The following HPSE2 variants were observed in gnomAD, a reference collection of about 807,000 sequenced individuals.
HPSE2 encodes the protein inactive heparanase-2.
Under a neutral mutation model 60.5 loss-of-function variants are expected in HPSE2, and 38 were observed. The ratio of observed to expected loss-of-function variants is 0.63; its 90% CI spans 0.48 to 0.82. The LOEUF is 0.82. Among genes scored for constraint, HPSE2 ranks in the 40% least tolerant of loss-of-function variants. HPSE2 has a pLI of 0.00. For synonymous variants in HPSE2, 295 were observed against 293.2 expected (o/e 1.01, Z -0.06); for missense variants, 713 against 740.4 (o/e 0.96, Z 0.43).
chr10:98,847,266 T>G (rs1185013788), intron 3 of HPSE2, among the ~76,000 whole-genome samples: 1 of 152,226 alleles, frequency 6.6e-6, no homozygotes, highest in Non-Finnish European at 1.5e-5. Context: ...GGTAACTCAT[T>G]TAATTCTAAT....
intron 3 of HPSE2, among the ~76,000 whole-genome samples, chr10:98,754,137 G>C (rs923547941): frequency 1.3e-5 from 2 of 152,108 alleles, no homozygotes; most frequent in Non-Finnish European, 2.9e-5. Flanking sequence ...GCTGAAAGAT[G>C]AAACAGTCAT....
rs181811002 is a variant in HPSE2 at position 98,691,360 on chromosome 10, A to G, written c.1004+2540T>C. ...TGATATTTATCTGGAGATATGGCCAATATTTTTTAAGTAGTCAATAAACAA... is the reference window on the plus strand; with the variant it reads ...TGATATTTATCTGGAGATATGGCCAGTATTTTTTAAGTAGTCAATAAACAA... On this transcript the variant is annotated intron_variant, in intron 6 of 11. Transcript: ENST00000370552. 2.8e-4 allele frequency among the ~76,000 whole-genome samples: 42 copies of G among 152,342 alleles called. No individual in the cohort carries two copies. The East Asian group carries it at 7.1e-3, about 26-fold the overall frequency.
rs531659651 is a variant in HPSE2, at chr10:98,694,312, G to A, written c.957-365C>T. Among the ~76,000 whole-genome samples, 14 of 152,256 alleles carry A rather than the reference G, an allele frequency of 9.2e-5. No homozygotes were observed. In the South Asian group the frequency reaches 2.7e-3, roughly 29 times the overall value. ...TCTCTAAGGACTCCAATCTCTGCTA[G>A]GAAACAAACAGTAATATTTCCCAAG... On this transcript the variant is annotated intron_variant, in intron 5 of 11. Transcript: ENST00000370552.
Position 98,928,240 on chromosome 10 carries a change from G to A in HPSE2, c.611-184184C>T, listed in dbSNP as rs927628067. On this transcript the variant is annotated intron_variant, in intron 3 of 11. Transcript: ENST00000370552. Reference sequence around the variant, plus strand: ...GCAGCCAAAAAACACATGAAAAAATGCTCACGATCACTGGCCATCAGAGAA... The same window carrying A: ...GCAGCCAAAAAACACATGAAAAAATACTCACGATCACTGGCCATCAGAGAA... 5.0e-5 allele frequency among the ~76,000 whole-genome samples: 7 copies of A among 139,816 alleles called. No individual in the cohort carries two copies. In the South Asian group the frequency reaches 1.3e-3, roughly 25 times the overall value. The allele number at this position is 139,816 out of a possible 152,430, so 91.7% of individuals were successfully genotyped here.
intron 3 of HPSE2, among the ~76,000 whole-genome samples, chr10:99,101,139 T>C (rs1843961853): frequency 6.6e-6 from 1 of 152,106 alleles, no homozygotes; most frequent in African/African-American, 2.4e-5. Flanking sequence ...TACATTACAA[T>C]ATTAACCTTA....
upstream of HPSE2, among the ~76,000 whole-genome samples, chr10:99,236,965 T>C (rs978864323): frequency 2.6e-5 from 4 of 152,190 alleles, no homozygotes; most frequent in African/African-American, 7.2e-5. Context: ...GATGGGACCA[T>C]AGTGACACTT....
chr10:98,619,662 CAT>C (rs1946019872), intron 8 of HPSE2, among the ~76,000 whole-genome samples: 1 of 152,148 alleles, frequency 6.6e-6, no homozygotes, highest in African/African-American at 2.4e-5. Context: ...TCACATTAGT[CAT>C]TCTCTGCTCC....
intron 3 of HPSE2, among the ~76,000 whole-genome samples, chr10:99,128,690 C>A (rs2135729375): frequency 6.6e-6 from 1 of 152,090 alleles, no homozygotes; most frequent in African/African-American, 2.4e-5. Flanking sequence ...GGGGATGTGG[C>A]AAGGGGAAGA....
chr10:98,815,226 G>A (rs571163917), intron 3 of HPSE2, among the ~76,000 whole-genome samples: 17 of 152,280 alleles, frequency 1.1e-4, no homozygotes, highest in South Asian at 6.2e-4. Flanking sequence ...AGGCTGCAGC[G>A]AGCCATGATG....
At chr10:98,953,103 A>C (rs1352489677) in intron 3 of HPSE2, among the ~76,000 whole-genome samples, 1 of 152,124 alleles carries the variant, frequency 6.6e-6, no homozygotes, top group Admixed American at 6.5e-5. Context: ...TAGTTGAAAA[A>C]AGATGCTGAA....
chr10:99,020,054 T>G (rs976322199), intron 3 of HPSE2, among the ~76,000 whole-genome samples: 2 of 152,036 alleles, frequency 1.3e-5, no homozygotes, highest in African/African-American at 4.8e-5. Context: ...AACATAACTT[T>G]CCCTTTATTT....
chr10:98,524,701 T>C (rs552233712), intron 9 of HPSE2, among the ~76,000 whole-genome samples: 98 of 152,214 alleles, frequency 6.4e-4, no homozygotes, highest in African/African-American at 2.2e-3. Flanking sequence ...ATAAGAAGGG[T>C]TGAGTTAGTT....
At chr10:98,465,050 C>T (rs1043929829) in intron 11 of HPSE2, among the ~76,000 whole-genome samples, 18 of 152,196 alleles carry the variant, frequency 1.2e-4, no homozygotes, top group African/African-American at 4.3e-4. Flanking sequence ...TCCACAAAGT[C>T]CCTTCATTAT....
the HPSE2 span, among the ~76,000 whole-genome samples, chr10:99,257,166 T>C: frequency 6.6e-6 from 1 of 152,300 alleles, no homozygotes; most frequent in South Asian, 2.1e-4. Context: ...CTCAGGACAC[T>C]GTGATGATTG....
At chr10:98,937,420 C>T (rs1301340399) in intron 3 of HPSE2, among the ~76,000 whole-genome samples, 2 of 144,450 alleles carry the variant, frequency 1.4e-5, no homozygotes, top group Non-Finnish European at 3.0e-5. Context: ...AAAAACGGCG[C>T]ACCAGGAGAT....
intron 3 of HPSE2, among the ~76,000 whole-genome samples, chr10:98,838,328 T>C (rs1951838015): frequency 6.6e-6 from 1 of 152,198 alleles, no homozygotes; most frequent in African/African-American, 2.4e-5. Context: ...TTGTAAAGAT[T>C]GACTATATTA....
chr10:98,850,195 AT>A (rs1952136142), intron 3 of HPSE2, among the ~76,000 whole-genome samples: 1 of 152,202 alleles, frequency 6.6e-6, no homozygotes, highest in Admixed American at 6.5e-5. Context: ...AAGTTTTCTG[AT>A]TAAAAAAAGG....
chr10:98,669,141 A>C (rs1589608165), intron 6 of HPSE2, among the ~76,000 whole-genome samples: 1 of 151,990 alleles, frequency 6.6e-6, no homozygotes, highest in Non-Finnish European at 1.5e-5. Context: ...AAAATACTCA[A>C]ATCACTAATC....
Position 99,144,273 on chromosome 10 carries a change from T to G in HPSE2, c.575A>C (p.Gln192Pro). The change falls in exon 3 of 12, where the codon CAA becomes CCA. Residue 192 changes from glutamine to proline, a missense_variant. By Grantham distance (76) the Gln-to-Pro change is moderately conservative. Coordinates refer to ENST00000370552, the MANE Select transcript of HPSE2 (RefSeq NM_021828.5). Reference sequence around the variant, plus strand: ...GAGATTACTGTAAGTATTGGAGAATTGCTCCTTTAGAAGAACCAGATGCAT... The same window carrying G: ...GAGATTACTGTAAGTATTGGAGAATGGCTCCTTTAGAAGAACCAGATGCAT... Reference protein sequence around the residue: ...AQMHLVLLKEQFSNTYSNLIL... With the variant: ...AQMHLVLLKEPFSNTYSNLIL... The G allele has an allele frequency of 6.2e-7, 1 of 1,614,092 alleles. No homozygotes were observed. Among genetic ancestry groups the G allele is most frequent in the Non-Finnish European group, 8.5e-7 (1 of 1,180,006 alleles).
Sources: gnomAD v4.1 joint callset for allele counts (sites outside exome capture counted in the v4.1 genomes callset) on GRCh38, gnomAD v4.1.1 for gene constraint, MANE v1.5 for transcripts, NCBI Gene and HGNC (gene_info 2026-07-23, HGNC 2026-07-21) for gene names.